Variants in ABCB4 observed in about 807,000 individuals in gnomAD.
ABCB4 encodes phosphatidylcholine translocator ABCB4.
ABCB4 carries 76 observed loss-of-function variants against 145.7 expected under a neutral mutation model. That is an observed-to-expected ratio of 0.52 (90% CI 0.43 to 0.63). ABCB4 has a LOEUF of 0.63. ABCB4 is among the 30% of genes least tolerant of loss of function. ABCB4 has a pLI of 0.00. For synonymous variants in ABCB4, 517 were observed against 566.8 expected (o/e 0.91, Z 1.25); for missense variants, 1,234 against 1,553.1 (o/e 0.79, Z 3.45).
At chr7:87,401,687 C>T, downstream of ABCB4, 1 of 261,124 alleles carries the variant, frequency 3.8e-6, no homozygotes, top group South Asian at 4.1e-5. Context: ...AGAAAATTAC[C>T]AAGAGAGATG....
chr7:87,473,500 T>C (rs990740092), intron 2 of ABCB4, among the ~76,000 whole-genome samples: 1 of 152,194 alleles, frequency 6.6e-6, no homozygotes, highest in African/African-American at 2.4e-5. Flanking sequence ...TCTCCTCTCA[T>C]TTCTTTCAAG....
At chr7:87,380,558 C>T in the ABCB4 span, among the ~76,000 whole-genome samples, 1 of 152,148 alleles carries the variant, frequency 6.6e-6, no homozygotes, top group African/African-American at 2.4e-5. Flanking sequence ...AGCCTACATT[C>T]TTAAACACTA....
At chr7:87,392,561 T>A in the ABCB4 span, 16 of 1,612,234 alleles carry the variant, frequency 9.9e-6, no homozygotes, top group Admixed American at 2.7e-4. Context: ...CGATTTTTAA[T>A]ACAGCTTCGT....
chr7:87,429,219 G>A (rs1321377135), intron 15 of ABCB4, among the ~76,000 whole-genome samples: 1 of 152,194 alleles, frequency 6.6e-6, no homozygotes, highest in Non-Finnish European at 1.5e-5. Flanking sequence ...TGGGAAATGT[G>A]GGGGTACCCA....
intron 2 of ABCB4, among the ~76,000 whole-genome samples, chr7:87,474,227 C>T (rs1813632154): frequency 6.6e-6 from 1 of 152,214 alleles, no homozygotes; most frequent in East Asian, 1.9e-4. Context: ...TAGACTTCTT[C>T]ATGAAAATGC....
Position 87,439,661 on chromosome 7 carries a change from A to C in ABCB4, c.1731+6T>G. ...GTGGTCCTTCAGCTTTTTAGAGTCT[A>C]CTGACCTTATCCAGAGCTGCCTGTA... On this transcript the variant is annotated splice_donor_region_variant and intron_variant, in intron 14 of 27. Transcript: ENST00000649586. 4 of 1,614,146 alleles carry C rather than the reference A, an allele frequency of 2.5e-6. No homozygotes were observed. The highest frequency in any genetic ancestry group is 3.4e-6 in the Non-Finnish European group (4 of 1,180,002).
intron 3 of ABCB4, among the ~76,000 whole-genome samples, chr7:87,465,688 C>T (rs1812833543): frequency 6.6e-6 from 1 of 152,132 alleles, no homozygotes; most frequent in Non-Finnish European, 1.5e-5. Flanking sequence ...GCCGGGCAGC[C>T]CTCTGAGACG....
chr7:87,445,778 C>G (rs890881761), intron 9 of ABCB4, among the ~76,000 whole-genome samples: 11 of 152,070 alleles, frequency 7.2e-5, no homozygotes, highest in African/African-American at 2.2e-4. Flanking sequence ...AGATAAGGAC[C>G]AGTAAGAAAG....
At chr7:87,365,903 C>G in the ABCB4 span, among the ~76,000 whole-genome samples, 2 of 152,092 alleles carry the variant, frequency 1.3e-5, no homozygotes, top group Non-Finnish European at 2.9e-5. Context: ...CAGCACCTGG[C>G]CTGTTGTTTA....
intron 16 of ABCB4, among the ~76,000 whole-genome samples, chr7:87,426,415 C>G (rs1809810329): frequency 6.6e-6 from 1 of 152,148 alleles, no homozygotes; most frequent in African/African-American, 2.4e-5. Context: ...TAATCCTACC[C>G]AATAGAGTAT....
chr7:87,376,661 A>C, the ABCB4 span, among the ~76,000 whole-genome samples: 1 of 151,216 alleles, frequency 6.6e-6, no homozygotes, highest in Non-Finnish European at 1.5e-5. Context: ...GAATCACCAG[A>C]CTTCTTTTTA....
intron 17 of ABCB4, 119 bp downstream of exon 17, chr7:87,423,787 T>C (rs753363410): frequency 7.9e-7 from 1 of 1,271,272 alleles, no homozygotes; most frequent in African/African-American, 1.5e-5. Flanking sequence ...TTAAGGACTT[T>C]GGCTTAGTTT....
chr7:87,470,471 A>C (rs1813289048), intron 3 of ABCB4, among the ~76,000 whole-genome samples: 1 of 152,218 alleles, frequency 6.6e-6, no homozygotes, highest in Non-Finnish European at 1.5e-5. Flanking sequence ...CAATCTACTC[A>C]TCTGACAAAG....
At chr7:87,410,581 A>T (rs1374943026) in intron 23 of ABCB4, among the ~76,000 whole-genome samples, 3 of 152,194 alleles carry the variant, frequency 2.0e-5, no homozygotes, top group Non-Finnish European at 4.4e-5. Context: ...CACTTTCAGA[A>T]ATGTTCTCAA....
At chr7:87,472,203 T>C (rs1813468378) in intron 3 of ABCB4, among the ~76,000 whole-genome samples, 1 of 152,132 alleles carries the variant, frequency 6.6e-6, no homozygotes, top group Non-Finnish European at 1.5e-5. Flanking sequence ...AATTTATTGC[T>C]GTCTGCAGAC....
At chr7:87,413,744 GA>G (rs749932547) in intron 21 of ABCB4, 27 bp from the exon 22 acceptor site, 1 of 1,444,512 alleles carries the variant, frequency 6.9e-7, no homozygotes, top group Non-Finnish European at 9.7e-7. Flanking sequence ...ACCTTCATTA[GA>G]AGTGGTGTTT....
chr7:87,374,739 T>C, the ABCB4 span, among the ~76,000 whole-genome samples: 13 of 152,156 alleles, frequency 8.5e-5, no homozygotes, highest in Non-Finnish European at 1.6e-4. Flanking sequence ...GTTACAGATA[T>C]AATGAACAAA....
At chr7:87,448,945 A>G (rs1026485396) in intron 8 of ABCB4, among the ~76,000 whole-genome samples, 15 of 152,326 alleles carry the variant, frequency 9.8e-5, no homozygotes, top group South Asian at 4.1e-4. Flanking sequence ...ATCATACTTC[A>G]ACTACAGTAG....
intron 12 of ABCB4, among the ~76,000 whole-genome samples, chr7:87,442,354 A>G (rs943636465): frequency 6.6e-6 from 1 of 152,098 alleles, no homozygotes; most frequent in Non-Finnish European, 1.5e-5. Flanking sequence ...GTTCTGTCCC[A>G]ATGCCTTTTT....
Sources: allele counts gnomAD v4.1 joint callset (sites outside exome capture counted in the v4.1 genomes callset), GRCh38; gene constraint gnomAD v4.1.1; transcripts MANE v1.5; gene names NCBI Gene and HGNC (gene_info 2026-07-23, HGNC 2026-07-21).